Variants in TOP1MT observed in about 807,000 individuals in gnomAD.
The protein encoded by TOP1MT is DNA topoisomerase I, mitochondrial.
In TOP1MT, 80 loss-of-function variants were observed where a neutral mutation model predicts 73.9. That is an observed-to-expected ratio of 1.08 (90% CI 0.90 to 1.30). The LOEUF (loss-of-function observed/expected upper bound fraction) is 1.30. Among genes scored for constraint, TOP1MT ranks in the 50% most tolerant of loss-of-function variants. The probability of loss-of-function intolerance (pLI) is 0.00; values close to 1 mark genes in which losing one functional copy is unlikely to be tolerated. For synonymous variants in TOP1MT, 338 were observed against 326.4 expected (o/e 1.04, Z -0.38); for missense variants, 815 against 808.0 (o/e 1.01, Z -0.10).
At chr8:143,312,761 C>T (rs1816046774) in intron 12 of TOP1MT, among the ~76,000 whole-genome samples, 1 of 152,224 alleles carries the variant, frequency 6.6e-6, no homozygotes, top group Non-Finnish European at 1.5e-5. Flanking sequence ...AAAAGTAAAA[C>T]TATCTCTGTT....
intron 3 of TOP1MT, 135 bp from the exon 4 acceptor site, chr8:143,326,479 G>T: frequency 8.6e-7 from 1 of 1,159,298 alleles, no homozygotes; most frequent in South Asian, 1.4e-5. Flanking sequence ...CAGAACCTGC[G>T]CACGGTCCTG....
rs1029284775 is a variant in TOP1MT, at chr8:143,343,052, C to T, written c.29+168G>A. The T allele has an allele frequency of 1.7e-5, 7 of 404,414 alleles. 1 individual carries two copies. The highest frequency in any genetic ancestry group is 5.4e-5 in the South Asian group (3 of 55,046). 25.1% of individuals were successfully genotyped at this position (404,414 alleles called of 1,614,324 possible). A position where few individuals can be genotyped will look rare whatever the true frequency, so the allele number is the denominator to read the frequency against. ...CTAGGATTATAGGCATGAGCCACCA[C>T]GCCTGGCCTGCTAACTTATTTCACC... On this transcript the variant is annotated intron_variant, in intron 2 of 5. Coordinates refer to the TOP1MT transcript ENST00000518007.
chr8:143,317,757 G>A lies in TOP1MT; in HGVS notation c.1296C>T (p.Ile432=), dbSNP rs575274627. ...AKVFRTYNAS[I]TLQEQLRALT... is the part of the protein sequence containing the mutation. ...GGGCCCGCAGCTGCTCCTGCAGAGT[G>A]ATGGAGGCGTTGTAGGTCCGGAACA... Residue 432 remains isoleucine, a synonymous_variant, in exon 10 of 14, where the codon ATC becomes ATT. Transcript: ENST00000329245. 3 of 1,614,080 alleles carry A rather than the reference G, an allele frequency of 1.9e-6. No homozygotes were observed. The highest frequency in any genetic ancestry group is 1.7e-5 in the Admixed American group (1 of 60,028).
At chr8:143,331,605 G>A in intron 1 of TOP1MT, 1 of 365,836 alleles carries the variant, frequency 2.7e-6, no homozygotes, top group South Asian at 7.4e-5. Context: ...AAGCGGGAAA[G>A]GGCAAGCCCA....
At chr8:143,342,129 G>A (rs372557854) in intron 2 of TOP1MT, among the ~76,000 whole-genome samples, 3 of 121,300 alleles carry the variant, frequency 2.5e-5, no homozygotes, top group East Asian at 4.2e-4. Context: ...ACACAGTCTC[G>A]CTCTGTTATT....
At position 143,325,520 on chromosome 8, in the gene TOP1MT, T is replaced by A. The variant is rs769617980; in HGVS notation, c.497A>T (p.Glu166Val). Residue 166 changes from glutamate (E) to valine (V), a missense_variant, in exon 5 of 14, where the codon GAG becomes GTG. Physicochemically the swap from Glu to Val is moderately radical, Grantham distance 121. Around this residue, in one of 3 missense-constraint regions of TOP1MT, gnomAD observed 751 missense variants for 725.4 expected, o/e 1.04. Transcript: ENST00000329245. ...GAACTCTTGCTGAAGTTTTTCTGCC[T>A]CTTCTTTTAGCTTCTGAGTTAATAA... ...SREEKQKLKE[E>V]AEKLQQEFGY... is the part of the protein sequence containing the mutation. 3 of 1,608,412 alleles carry A rather than the reference T, an allele frequency of 1.9e-6. No homozygotes were observed. In the South Asian group the frequency reaches 3.3e-5, roughly 18 times the overall value.
At chr8:143,347,576 C>T (rs1817247090), upstream of TOP1MT, among the ~76,000 whole-genome samples, 1 of 152,184 alleles carries the variant, frequency 6.6e-6, no homozygotes, top group Non-Finnish European at 1.5e-5. Context: ...TATAGGCGTG[C>T]CTGGCCAGGC....
intron 2 of TOP1MT, among the ~76,000 whole-genome samples, chr8:143,342,715 TATTATTATTATTAGAGA>T (rs1563771912): frequency 7.0e-4 from 62 of 89,122 alleles, no homozygotes; most frequent in Middle Eastern, 6.3e-3. Flanking sequence ...GTCTCGCTGT[TATTATTATTATTAGAGA>T]CAGAGTCTCG....
At chr8:143,314,727 C>T (rs1816105468) in intron 12 of TOP1MT, among the ~76,000 whole-genome samples, 3 of 152,184 alleles carry the variant, frequency 2.0e-5, no homozygotes, top group Admixed American at 2.0e-4. Context: ...AGACTGAGGG[C>T]ACGAGCTGTT....
chr8:143,310,221 G>C lies in TOP1MT; in HGVS notation c.1554-4C>G, dbSNP rs371566681. 1.3e-6 allele frequency: 2 copies of C among 1,545,870 alleles called. No homozygotes were observed. Among genetic ancestry groups the C allele is most frequent in the Admixed American group, 4.0e-5 (2 of 49,940 alleles). On this transcript the variant is annotated splice_region_variant and splice_polypyrimidine_tract_variant and intron_variant, in intron 12 of 13. Coordinates refer to ENST00000329245, the MANE Select transcript of TOP1MT (RefSeq NM_052963.3). ...CCGCCTCTTCTTCTCCAGGACACTGGCAAGAGAAGAGGAGGCCGCGAGGCC... is the reference window on the plus strand; with the variant it reads ...CCGCCTCTTCTTCTCCAGGACACTGCCAAGAGAAGAGGAGGCCGCGAGGCC...
intron 2 of TOP1MT, among the ~76,000 whole-genome samples, 176 bp from the exon 3 acceptor site, chr8:143,329,647 C>A (rs576928435): frequency 1.3e-5 from 2 of 152,152 alleles, no homozygotes; most frequent in Non-Finnish European, 1.5e-5. Context: ...AATCAACCTG[C>A]GTGGAGGTGG....
At chr8:143,332,441 C>CT (rs1374387572) in intron 1 of TOP1MT, 1 of 1,255,806 alleles carries the variant, frequency 8.0e-7, no homozygotes, top group East Asian at 5.6e-5. Flanking sequence ...CCTTCTGAGC[C>CT]TCCCCCAGAC....
At chr8:143,336,812 A>C (rs1173999465), upstream of TOP1MT, among the ~76,000 whole-genome samples, 1 of 152,070 alleles carries the variant, frequency 6.6e-6, no homozygotes. Flanking sequence ...GTGAGACCCT[A>C]TCTCTATGGA....
upstream of TOP1MT, among the ~76,000 whole-genome samples, chr8:143,347,748 C>G (rs1210431999): frequency 3.9e-5 from 6 of 152,024 alleles, no homozygotes; most frequent in Admixed American, 3.9e-4. Flanking sequence ...AGAGTTGAAA[C>G]AATCCAGGAA....
intron 12 of TOP1MT, among the ~76,000 whole-genome samples, chr8:143,314,641 T>C (rs1026677677): frequency 4.0e-5 from 6 of 149,928 alleles, no homozygotes; most frequent in African/African-American, 1.5e-4. Flanking sequence ...AAAACAAAAC[T>C]GGCCATGGGA....
At position 143,327,816 on chromosome 8, in the gene TOP1MT, G is replaced by A. The variant is rs532902176; in HGVS notation, c.361-1472C>T. ...CTGCACAGGGGACAAGGAAGCACAG[G>A]CTCCAGCAGCTGGCTCGGGGCAGTC... On this transcript the variant is annotated intron_variant, in intron 3 of 13. Transcript: ENST00000329245. 3.0e-5 allele frequency: 12 copies of A among 398,298 alleles called. No homozygotes were observed. In the East Asian group the frequency reaches 6.4e-4, roughly 21 times the overall value. 24.7% of individuals were successfully genotyped at this position (398,298 alleles called of 1,614,324 possible).
At chr8:143,339,786 C>T (rs989103174), upstream of TOP1MT, among the ~76,000 whole-genome samples, 5 of 151,414 alleles carry the variant, frequency 3.3e-5, no homozygotes, top group African/African-American at 9.7e-5. Flanking sequence ...CTGCTCCCAG[C>T]GCTGATCTAC....
At chr8:143,314,420 A>C (rs1192982694) in intron 12 of TOP1MT, among the ~76,000 whole-genome samples, 1 of 151,938 alleles carries the variant, frequency 6.6e-6, no homozygotes, top group African/African-American at 2.4e-5. Context: ...ACATGGAGAA[A>C]CCCCGTTTCT....
At chr8:143,337,575 G>A (rs1275623699), upstream of TOP1MT, among the ~76,000 whole-genome samples, 1 of 152,148 alleles carries the variant, frequency 6.6e-6, no homozygotes, top group African/African-American at 2.4e-5. Context: ...TAACAAAGTT[G>A]GAGGATTCAT....
Sources: gnomAD v4.1 joint callset for allele counts (sites outside exome capture counted in the v4.1 genomes callset) on GRCh38, gnomAD v4.1.1 for gene constraint, gnomAD v4.1.1 regional missense constraint, MANE v1.5 for transcripts, NCBI Gene and HGNC (gene_info 2026-07-23, HGNC 2026-07-21) for gene names.